DNAH6: variants seen among roughly 807,000 people sequenced by gnomAD.
The protein encoded by DNAH6 is axonemal beta dynein heavy chain 6.
In DNAH6, 340 loss-of-function variants were observed where a neutral mutation model predicts 491.4. That is an observed-to-expected ratio of 0.69 (90% confidence interval 0.63 to 0.76). The LOEUF is 0.76. Among genes scored for constraint, DNAH6 ranks in the 30% least tolerant of loss-of-function variants. DNAH6 has a pLI of 0.00. For missense variants in DNAH6, 4,443 were observed against 4,972.2 expected, an observed-to-expected ratio of 0.89 and a Z score of 3.20; for synonymous variants, 1,603 against 1,686.1, an observed-to-expected ratio of 0.95 and a Z score of 1.21.
At chr2:84,634,288 T>A (rs905345449) in intron 29 of DNAH6, among the ~76,000 whole-genome samples, 1 of 152,206 alleles carries the variant, frequency 6.6e-6, no homozygotes, top group East Asian at 1.9e-4. Context: ...TCATTTTGTT[T>A]AAAAATAAAA....
At chr2:84,505,952 C>G in the DNAH6 span, among the ~76,000 whole-genome samples, 1 of 152,180 alleles carries the variant, frequency 6.6e-6, no homozygotes, top group Non-Finnish European at 1.5e-5. Context: ...TTAATCCAGT[C>G]AATCATTGTT....
intron 9 of DNAH6, among the ~76,000 whole-genome samples, chr2:84,552,048 CAAA>C (rs34353031): frequency 4.2e-5 from 3 of 70,778 alleles, no homozygotes; most frequent in Non-Finnish European, 6.2e-5. Flanking sequence ...AACTCCGTCT[CAAA>C]AAAAAAAAAA....
chr2:84,552,912 T>C lies in DNAH6; in HGVS notation c.1486-6T>C. The C allele has an allele frequency of 1.3e-6, 2 of 1,578,326 alleles. No individual in the cohort carries two copies. The highest frequency in any genetic ancestry group is 1.7e-4 in the Middle Eastern group (1 of 5,952). ...CTTTATAACACTGTACATATATTCATTTCAGGGGACCCTTATGGTGGAAAA... is the reference window on the plus strand; with the variant it reads ...CTTTATAACACTGTACATATATTCACTTCAGGGGACCCTTATGGTGGAAAA... On this transcript the variant is annotated splice_polypyrimidine_tract_variant and splice_region_variant and intron_variant, in intron 9 of 76. Coordinates refer to ENST00000389394, the MANE Select transcript of DNAH6 (RefSeq NM_001370.2).
chr2:84,753,301 C>A (rs1249417649), intron 63 of DNAH6, among the ~76,000 whole-genome samples: 1 of 152,040 alleles, frequency 6.6e-6, no homozygotes, highest in African/African-American at 2.4e-5. Context: ...ATATGATTTG[C>A]AAGAATGTTC....
intron 66 of DNAH6, 114 bp from the exon 67 acceptor site, chr2:84,785,496 A>G: frequency 3.6e-6 from 4 of 1,097,662 alleles, no homozygotes; most frequent in Non-Finnish European, 5.0e-6. Context: ...CCACCTCCCC[A>G]TGAACATCAG....
intron 73 of DNAH6, 82 bp downstream of exon 73, chr2:84,812,608 T>A: frequency 8.9e-7 from 1 of 1,122,420 alleles, no homozygotes; most frequent in East Asian, 2.6e-5. Flanking sequence ...TGGCTAAAGA[T>A]ATCCACAGTC....
intron 2 of DNAH6, among the ~76,000 whole-genome samples, chr2:84,519,566 C>A (rs1262700321): frequency 1.3e-5 from 2 of 151,360 alleles, no homozygotes; most frequent in Non-Finnish European, 2.9e-5. Context: ...GACTTCCCTC[C>A]CCTCAACTGC....
At position 84,624,971 on chromosome 2, in the gene DNAH6, G is replaced by A; in HGVS notation, c.4423G>A (p.Gly1475Ser). ...TGGGGGTGCACCAGCTGGTCCTGCT[G>A]GCACTGGGAAAACAGAGACTACCAA... ...DLGGAPAGPAGTGKTETTKDL... is the reference protein window; with the variant it reads ...DLGGAPAGPASTGKTETTKDL... Residue 1475 changes from glycine to serine, a missense_variant, in exon 29 of 77, where the codon GGC (glycine) becomes AGC (serine). Transcript: ENST00000389394. The A allele has an allele frequency of 6.4e-7, 1 of 1,551,654 alleles. No homozygotes were observed. The highest frequency in any genetic ancestry group is 2.0e-5 in the Admixed American group (1 of 50,994).
chr2:84,668,598 T>C (rs1047065702), intron 37 of DNAH6, among the ~76,000 whole-genome samples: 13 of 152,310 alleles, frequency 8.5e-5, no homozygotes, highest in African/African-American at 2.4e-4. Flanking sequence ...CTTCCCAGCA[T>C]ACACCATATT....
rs1171695493 is a variant in DNAH6, at chr2:84,573,467, G to A, written c.1804G>A (p.Glu602Lys). The A allele has an allele frequency of 6.3e-7, 1 of 1,576,984 alleles. No homozygotes were observed. Among genetic ancestry groups the A allele is most frequent in the East Asian group, 2.3e-5 (1 of 43,160 alleles). The change falls in exon 12 of 77, where the codon GAA becomes AAA. Residue 602 changes from glutamate to lysine, a missense_variant and splice_region_variant. This residue lies in a region of DNAH6 where 2,977 missense variants were observed against 3,296.6 expected (regional missense o/e 0.90). Transcript: ENST00000389394. ...TTGTCTGCTTATTTATAACATTTAG[G>A]AAACCATTCAGGCCGCATTTGAATC... is the stretch of plus-strand genomic sequence containing the variant. The part of the protein sequence containing the change: ...NFHTIISQIK[E>K]TIQAAFESAR...
At chr2:84,766,776 T>A (rs1296461233) in intron 64 of DNAH6, among the ~76,000 whole-genome samples, 1 of 152,138 alleles carries the variant, frequency 6.6e-6, no homozygotes, top group African/African-American at 2.4e-5. Flanking sequence ...GCTAAGGGGC[T>A]GTGAAGTGAG....
At chr2:84,703,756 G>T (rs544644540) in intron 50 of DNAH6, among the ~76,000 whole-genome samples, 194 bp downstream of exon 50, 36 of 151,732 alleles carry the variant, frequency 2.4e-4, no homozygotes, top group Non-Finnish European at 5.0e-4. Context: ...TACTAAATCA[G>T]TTTGGCTCTG....
At chr2:84,467,732 T>C in the DNAH6 span, among the ~76,000 whole-genome samples, 1 of 152,368 alleles carries the variant, frequency 6.6e-6, no homozygotes. Flanking sequence ...CATTTTACTT[T>C]AGGACAAGAA....
chr2:84,701,683 A>G (rs1695916282), intron 49 of DNAH6, among the ~76,000 whole-genome samples: 1 of 152,110 alleles, frequency 6.6e-6, no homozygotes, highest in Non-Finnish European at 1.5e-5. Context: ...ACACTTTTAA[A>G]CACCAGATCT....
chr2:84,621,142 T>A, intron 24 of DNAH6, 49 bp from the exon 25 acceptor site: 1 of 1,539,234 alleles, frequency 6.5e-7, no homozygotes, highest in Non-Finnish European at 8.8e-7. Context: ...GGCATACAGC[T>A]TACAAGTCCC....
rs769594576 is a variant in DNAH6 at position 84,701,349 on chromosome 2, A to G, written c.8061+10A>G. 234 of 1,538,322 alleles carry G rather than the reference A, an allele frequency of 1.5e-4. No individual in the cohort carries two copies. The African/African-American group carries it at 2.6e-3, about 17-fold the overall frequency. ...GAAGCAGATTATTTCAGTAGGTTCA[A>G]TATTATCCATGAAAATATTGTTTTG... On this transcript the variant is annotated intron_variant, in intron 49 of 76. Coordinates refer to ENST00000389394, the MANE Select transcript of DNAH6 (RefSeq NM_001370.2).
At chr2:84,460,783 A>G in the DNAH6 span, among the ~76,000 whole-genome samples, 1 of 152,212 alleles carries the variant, frequency 6.6e-6, no homozygotes, top group Admixed American at 6.5e-5. Flanking sequence ...ACCAGGTCTC[A>G]CTAACGCAGG....
Position 84,653,661 on chromosome 2 carries a change from C to A in DNAH6, c.5421C>A (p.Asn1807Lys). 1 of 1,550,952 alleles carries A rather than the reference C, an allele frequency of 6.4e-7. No individual in the cohort carries two copies. Residue 1807 changes from asparagine (N) to lysine (K), a missense_variant, in exon 34 of 77, where the codon AAC becomes AAA. This residue lies in a region of DNAH6 where 2,977 missense variants were observed against 3,296.6 expected (regional missense o/e 0.90). Transcript: ENST00000389394. ...TMGELYGEVN[N>K]LTLEWKDGLM... ...GTGAATTATATGGAGAGGTTAATAA[C>A]TTAACCTTGGAATGGAAAGATGGTT... is the stretch of plus-strand genomic sequence containing the variant.
At chr2:84,476,012 CT>C in the DNAH6 span, among the ~76,000 whole-genome samples, 2 of 152,154 alleles carry the variant, frequency 1.3e-5, no homozygotes, top group Non-Finnish European at 1.5e-5. Flanking sequence ...GGTAGTTGTG[CT>C]TGTGTATTTT....
Sources: allele counts gnomAD v4.1 joint callset (sites outside exome capture counted in the v4.1 genomes callset), GRCh38; gene constraint gnomAD v4.1.1; regional missense constraint gnomAD v4.1.1; transcripts MANE v1.5; gene names NCBI Gene and HGNC (gene_info 2026-07-23, HGNC 2026-07-21).